The following TTLL9 variants were observed in gnomAD, a reference collection of about 807,000 sequenced individuals.
TTLL9 encodes the protein probable tubulin polyglutamylase TTLL9.
A neutral mutation model predicts 65.6 loss-of-function variants in TTLL9; 47 were observed. The ratio of observed to expected loss-of-function variants is 0.72; its 90% CI spans 0.57 to 0.91. TTLL9 has a LOEUF of 0.91. Ranked by LOEUF, TTLL9 falls within the 40% of genes least tolerant of loss-of-function variation. The pLI, the probability that TTLL9 is intolerant of heterozygous loss-of-function variation, is 0.00. For missense variants in TTLL9, 537 were observed against 568.8 expected, an observed-to-expected ratio of 0.94 and a Z score of 0.57; for synonymous variants, 179 against 204.8, an observed-to-expected ratio of 0.87 and a Z score of 1.07.
intron 13 of TTLL9, 137 bp from the exon 14 acceptor site, chr20:31,939,005 C>A: frequency 9.7e-7 from 1 of 1,029,700 alleles, no homozygotes; most frequent in Non-Finnish European, 1.3e-6. Context: ...TGGGAAACAG[C>A]CAATGAATGG....
In TTLL9 at chr20:31,943,757, C is replaced by T; in HGVS notation, c.*736C>T. On this transcript the variant is annotated 3_prime_UTR_variant, in exon 15 of 15. Coordinates refer to ENST00000535842, the MANE Select transcript of TTLL9 (RefSeq NM_001008409.5). ...CTAAGTCAGATGGGTGACTTAAGTG[C>T]TTCTCTAGGCCTTGTGTTTGAGATT... 2.2e-6 allele frequency: 1 copy of T among 456,714 alleles called. No homozygotes were observed. The highest frequency in any genetic ancestry group is 1.5e-5 in the South Asian group (1 of 64,566). 28.3% of individuals were successfully genotyped at this position (456,714 alleles called of 1,614,324 possible).
intron 2 of TTLL9, among the ~76,000 whole-genome samples, chr20:31,875,653 A>G (rs1479473032): frequency 1.3e-5 from 2 of 152,246 alleles, no homozygotes; most frequent in Non-Finnish European, 2.9e-5. Flanking sequence ...ACTATTATGC[A>G]TTCAAAAAGA....
chr20:31,872,648 A>G (rs1228577398), intron 2 of TTLL9, among the ~76,000 whole-genome samples: 2 of 152,198 alleles, frequency 1.3e-5, no homozygotes, highest in African/African-American at 4.8e-5. Flanking sequence ...CCATGAGCGC[A>G]CCACTGCACT....
At chr20:31,935,137 A>G (rs2064088982) in intron 12 of TTLL9, among the ~76,000 whole-genome samples, 2 of 152,174 alleles carry the variant, frequency 1.3e-5, no homozygotes, top group Admixed American at 6.5e-5. Context: ...CGAGCCTGGC[A>G]CTGGGAGGCC....
At chr20:31,894,802 G>A (rs2063359370) in intron 3 of TTLL9, among the ~76,000 whole-genome samples, 1 of 151,958 alleles carries the variant, frequency 6.6e-6, no homozygotes, top group Admixed American at 6.6e-5. Context: ...GCAGGTTTAG[G>A]GGCTGATCAT....
intron 10 of TTLL9, among the ~76,000 whole-genome samples, chr20:31,932,262 A>G (rs981871520): frequency 1.3e-5 from 2 of 152,148 alleles, no homozygotes; most frequent in African/African-American, 4.8e-5. Context: ...GCCTGAGGTC[A>G]GGAGTTCCAG....
At chr20:31,887,366 G>A in intron 3 of TTLL9, 127 bp downstream of exon 3, 1 of 1,094,562 alleles carries the variant, frequency 9.1e-7, no homozygotes, top group Non-Finnish European at 1.3e-6. Context: ...AAGGAGTAAT[G>A]CTAAACCATT....
chr20:31,872,797 C>T (rs2062956672), intron 2 of TTLL9, among the ~76,000 whole-genome samples: 1 of 152,202 alleles, frequency 6.6e-6, no homozygotes, highest in South Asian at 2.1e-4. Flanking sequence ...AGCTTGGCCT[C>T]TGTAAAAAGC....
rs1015077750 is a variant in TTLL9 at position 31,894,749 on chromosome 20, G to A, written c.114-3724G>A. The stretch of plus-strand genomic sequence containing the variant: ...CACACACACACACACACACACATAC[G>A]TACACACACTTTATAGAGTATGCGA... On this transcript the variant is annotated intron_variant, in intron 3 of 14. Transcript: ENST00000535842. Among the ~76,000 whole-genome samples, 11 of 142,306 alleles carry A rather than the reference G, an allele frequency of 7.7e-5. No individual in the cohort carries two copies. The South Asian group carries it at 8.9e-4, about 11-fold the overall frequency. The allele number at this position is 142,306 out of a possible 152,430, so 93.4% of individuals were successfully genotyped here.
chr20:31,923,132 T>C, intron 8 of TTLL9, 79 bp downstream of exon 8: 4 of 1,144,452 alleles, frequency 3.5e-6, no homozygotes, highest in Non-Finnish European at 5.3e-6. Flanking sequence ...ACCAGCAGCC[T>C]GCCAAGGGCC....
chr20:31,890,072 C>CTTCT (rs1278376760), intron 3 of TTLL9, among the ~76,000 whole-genome samples: 18 of 67,130 alleles, frequency 2.7e-4, no homozygotes, highest in African/African-American at 1.2e-3. Flanking sequence ...TTCTTTCTTG[C>CTTCT]TTTCTTGCTT....
intron 2 of TTLL9, among the ~76,000 whole-genome samples, chr20:31,875,852 T>A (rs996886605): frequency 5.3e-5 from 8 of 152,284 alleles, no homozygotes; most frequent in African/African-American, 1.9e-4. Context: ...CTTCACTCTC[T>A]CCCCAACTAG....
Position 31,939,227 on chromosome 20 carries a change from C to G in TTLL9, c.1204C>G (p.Leu402Val), listed in dbSNP as rs769012903. 3.7e-6 allele frequency: 6 copies of G among 1,613,446 alleles called. No individual in the cohort carries two copies. Among genetic ancestry groups the G allele is most frequent in the Non-Finnish European group, 5.1e-6 (6 of 1,179,774 alleles). ...TAGCAGAGAGGAGGGGGCTCCTGAC[C>G]TGTCGGGAATGGGAAACTTTGTGAC... ...PVSREEGAPD[L>V]SGMGNFVTNT... The change falls in exon 14 of 15, where the codon CTG becomes GTG. Residue 402 changes from leucine to valine, a missense_variant. By Grantham distance (32) the Leu-to-Val change is conservative. Transcript: ENST00000535842.
chr20:31,893,047 G>A (rs1025901379), intron 3 of TTLL9, among the ~76,000 whole-genome samples: 3 of 151,770 alleles, frequency 2.0e-5, no homozygotes, highest in Non-Finnish European at 4.4e-5. Context: ...TTTCCATCTG[G>A]TATAATTTTC....
At position 31,928,715 on chromosome 20, in the gene TTLL9, C is replaced by A. The variant is rs555166742; in HGVS notation, c.748+2624C>A. ...ATCTGTTGAAAGCAATGAGATAGGT[C>A]AAAATATCATGACATAGAAAGATAT... is the stretch of plus-strand genomic sequence containing the variant. On this transcript the variant is annotated intron_variant, in intron 10 of 14. Transcript: ENST00000535842. Among the ~76,000 whole-genome samples the A allele has an allele frequency of 2.6e-5, 4 of 151,970 alleles. No homozygotes were observed. The East Asian group carries it at 7.7e-4, about 29-fold the overall frequency.
chr20:31,926,527 A>C (rs931086119), intron 10 of TTLL9, among the ~76,000 whole-genome samples: 3 of 152,216 alleles, frequency 2.0e-5, no homozygotes, highest in African/African-American at 7.2e-5. Context: ...CCTGTGACCC[A>C]GCAATTCCTC....
At chr20:31,884,821 G>A (rs2063165990) in intron 2 of TTLL9, among the ~76,000 whole-genome samples, 2 of 152,200 alleles carry the variant, frequency 1.3e-5, no homozygotes, top group African/African-American at 4.8e-5. Flanking sequence ...TCTTTGATTA[G>A]CATCCTTAAT....
At chr20:31,873,478 G>A (rs1300342565) in intron 2 of TTLL9, among the ~76,000 whole-genome samples, 6 of 151,752 alleles carry the variant, frequency 4.0e-5, no homozygotes, top group African/African-American at 1.2e-4. Flanking sequence ...GCGAAATTTC[G>A]TCTCTACAAA....
At chr20:31,926,699 T>C (rs1046264787) in intron 10 of TTLL9, among the ~76,000 whole-genome samples, 1 of 152,172 alleles carries the variant, frequency 6.6e-6, no homozygotes, top group African/African-American at 2.4e-5. Context: ...TAAAAAGGAA[T>C]GGGGAAAGTG....
Sources: allele counts gnomAD v4.1 joint callset (sites outside exome capture counted in the v4.1 genomes callset), GRCh38; gene constraint gnomAD v4.1.1; transcripts MANE v1.5; gene names NCBI Gene and HGNC (gene_info 2026-07-23, HGNC 2026-07-21).